The following TMEM232 variants were observed in gnomAD, a reference collection of about 807,000 sequenced individuals.
The protein encoded by TMEM232 is transmembrane protein 232.
In TMEM232, 80 loss-of-function variants were observed where a neutral mutation model predicts 78.8. The ratio of observed to expected loss-of-function variants is 1.01; its 90% CI spans 0.85 to 1.22. TMEM232 has a LOEUF of 1.22. Ranked by LOEUF, TMEM232 falls within the 50% of genes most tolerant of loss-of-function variation. TMEM232 has a pLI of 0.00. For missense variants in TMEM232, 881 were observed against 742.2 expected (o/e 1.19, Z -2.17); for synonymous variants, 297 against 254.3 (o/e 1.17, Z -1.60).
intron 12 of TMEM232, among the ~76,000 whole-genome samples, chr5:110,524,898 T>C (rs1222616366): frequency 1.3e-5 from 2 of 152,116 alleles, no homozygotes; most frequent in Non-Finnish European, 2.9e-5. Context: ...TATAATGATC[T>C]CTGTTTTTTG....
chr5:110,689,018 CT>C (rs1793767762), intron 1 of TMEM232, among the ~76,000 whole-genome samples: 1 of 152,108 alleles, frequency 6.6e-6, no homozygotes, highest in Non-Finnish European at 1.5e-5. Flanking sequence ...TCCTTTGACC[CT>C]TTTGTTTTTG....
chr5:110,480,763 T>A (rs1329576254), intron 12 of TMEM232, among the ~76,000 whole-genome samples: 2 of 152,086 alleles, frequency 1.3e-5, no homozygotes, highest in Non-Finnish European at 2.9e-5. Flanking sequence ...CTATTCCTGA[T>A]GTCATTCAAA....
At chr5:110,506,924 C>A (rs553198569) in intron 12 of TMEM232, among the ~76,000 whole-genome samples, 2 of 152,202 alleles carry the variant, frequency 1.3e-5, no homozygotes, top group South Asian at 4.1e-4. Context: ...TGTCTTCCAG[C>A]CAAATTACCA....
chr5:110,720,668 A>G (rs1797499399), intron 1 of TMEM232: 1 of 152,162 alleles, frequency 6.6e-6, no homozygotes, highest in Non-Finnish European at 1.5e-5. Flanking sequence ...GTCCAAATCA[A>G]CATTTGGCCT....
intron 12 of TMEM232, among the ~76,000 whole-genome samples, chr5:110,471,994 A>G (rs1490287378): frequency 6.6e-6 from 1 of 152,058 alleles, no homozygotes; most frequent in Non-Finnish European, 1.5e-5. Flanking sequence ...AACCTAGAAG[A>G]AAGAGATAAG....
At chr5:110,600,926 CA>C (rs1384780438) in intron 10 of TMEM232, among the ~76,000 whole-genome samples, 1 of 152,116 alleles carries the variant, frequency 6.6e-6, no homozygotes, top group African/African-American at 2.4e-5. Flanking sequence ...ACTAGCAAAC[CA>C]AAGCTGGCAG....
At chr5:110,488,012 T>A (rs1208952237) in intron 12 of TMEM232, among the ~76,000 whole-genome samples, 3 of 152,124 alleles carry the variant, frequency 2.0e-5, no homozygotes, top group Admixed American at 6.6e-5. Flanking sequence ...AATTTTTTAA[T>A]TACCATTTCA....
At chr5:110,681,232 G>C (rs776695923) in intron 1 of TMEM232, among the ~76,000 whole-genome samples, 1 of 152,162 alleles carries the variant, frequency 6.6e-6, no homozygotes, top group Non-Finnish European at 1.5e-5. Flanking sequence ...ATTTGGCCGA[G>C]GGGTGAGACT....
chr5:110,451,997 T>C (rs1405205134), intron 12 of TMEM232, among the ~76,000 whole-genome samples: 2 of 152,174 alleles, frequency 1.3e-5, no homozygotes, highest in East Asian at 1.9e-4. Flanking sequence ...ACTAGCTAAA[T>C]AGCTCAACAT....
intron 12 of TMEM232, among the ~76,000 whole-genome samples, chr5:110,479,657 T>C (rs887509903): frequency 6.6e-6 from 1 of 151,902 alleles, no homozygotes; most frequent in African/African-American, 2.4e-5. Flanking sequence ...TATTTTACTA[T>C]CAATTGATAT....
At chr5:110,482,231 C>T (rs1763947405) in intron 12 of TMEM232, among the ~76,000 whole-genome samples, 1 of 151,924 alleles carries the variant, frequency 6.6e-6, no homozygotes, top group Admixed American at 6.6e-5. Context: ...AACCTTAATA[C>T]CATCCAGAAA....
At chr5:110,406,113 T>C (rs1402018289) in intron 2 of TMEM232, among the ~76,000 whole-genome samples, 1 of 152,024 alleles carries the variant, frequency 6.6e-6, no homozygotes, top group Non-Finnish European at 1.5e-5. Flanking sequence ...GACAGCTGAA[T>C]GGCTGATTCA....
chr5:110,523,701 C>T (rs180796360), intron 12 of TMEM232, among the ~76,000 whole-genome samples: 148 of 151,994 alleles, frequency 9.7e-4, no homozygotes, highest in African/African-American at 2.7e-3. Flanking sequence ...GCTTATAATC[C>T]CAGCAGTTTG....
At position 110,696,314 on chromosome 5, in the gene TMEM232, G is replaced by T. The variant is rs181190420; in HGVS notation, c.-12-28950C>A. On this transcript the variant is annotated intron_variant, in intron 1 of 13. Transcript: ENST00000455884. ...GATGGGACGTATCTCAAAATAATAA[G>T]AGCTATCTATGACAAACCCACAGCC... 3.5e-3 allele frequency among the ~76,000 whole-genome samples: 531 copies of T among 152,190 alleles called. 3 individuals are homozygous for T. Among genetic ancestry groups the T allele is most frequent in the African/African-American group, 0.012 (508 of 41,522 alleles).
downstream of TMEM232, among the ~76,000 whole-genome samples, chr5:110,415,856 T>A (rs965799760): frequency 4.6e-5 from 7 of 152,184 alleles, no homozygotes; most frequent in Admixed American, 1.3e-4. Flanking sequence ...TTCGTTAATT[T>A]ATGAAAGATG....
intron 1 of TMEM232, among the ~76,000 whole-genome samples, chr5:110,711,890 A>C (rs1256628690): frequency 6.6e-6 from 1 of 151,992 alleles, no homozygotes; most frequent in Non-Finnish European, 1.5e-5. Context: ...GCAGATCACG[A>C]AGTCAGGAGA....
At chr5:110,652,941 C>T (rs1338512570) in intron 2 of TMEM232, among the ~76,000 whole-genome samples, 3 of 152,098 alleles carry the variant, frequency 2.0e-5, no homozygotes, top group Non-Finnish European at 4.4e-5. Flanking sequence ...ATACTGAAGT[C>T]TCCTGGTTAA....
chr5:110,568,764 T>C (rs1273721647), intron 10 of TMEM232, 139 bp from the exon 11 acceptor site: 1 of 833,122 alleles, frequency 1.2e-6, no homozygotes, highest in Admixed American at 3.6e-5. Context: ...TGTGGAAATT[T>C]CTGACCCTTC....
chr5:110,421,552 T>A (rs1756650661), intron 13 of TMEM232, among the ~76,000 whole-genome samples: 1 of 151,760 alleles, frequency 6.6e-6, no homozygotes, highest in South Asian at 2.1e-4. Context: ...GTATGCAATA[T>A]TGGACATTCC....
Sources: allele counts gnomAD v4.1 joint callset (sites outside exome capture counted in the v4.1 genomes callset), GRCh38; gene constraint gnomAD v4.1.1; transcripts MANE v1.5; gene names NCBI Gene and HGNC (gene_info 2026-07-23, HGNC 2026-07-21).